ZFP1: variants seen among roughly 807,000 people sequenced by gnomAD.
The protein encoded by ZFP1 is zinc finger protein 1 homolog.
In ZFP1, 32 loss-of-function variants were observed where a neutral mutation model predicts 38.5. The observed-to-expected ratio is 0.83, with a 90% CI of 0.63 to 1.12. The LOEUF (loss-of-function observed/expected upper bound fraction) is 1.12, where lower values mean the gene tolerates loss of function less well. Ranked by LOEUF, ZFP1 falls within the 50% of genes most tolerant of loss-of-function variation. ZFP1 has a pLI of 0.00. For synonymous variants in ZFP1, 245 were observed against 168.8 expected, an observed-to-expected ratio of 1.45 and a Z score of -3.50; for missense variants, 616 against 480.8, an observed-to-expected ratio of 1.28 and a Z score of -2.63.
chr16:75,129,032 C>T, the ZFP1 span, among the ~76,000 whole-genome samples: 22 of 152,270 alleles, frequency 1.4e-4, no homozygotes, highest in African/African-American at 5.3e-4. Flanking sequence ...TCAGGTGATC[C>T]GCCTGCCTCA....
At chr16:75,125,330 T>C in the ZFP1 span, among the ~76,000 whole-genome samples, 1 of 152,164 alleles carries the variant, frequency 6.6e-6, no homozygotes, top group South Asian at 2.1e-4. Flanking sequence ...TTTGTTTGTT[T>C]GTTGTTTTGT....
chr16:75,125,496 A>G, the ZFP1 span, among the ~76,000 whole-genome samples: 1 of 151,730 alleles, frequency 6.6e-6, no homozygotes, highest in Non-Finnish European at 1.5e-5. Flanking sequence ...CTAATTTTGT[A>G]TTTTTTTAGT....
the ZFP1 span, among the ~76,000 whole-genome samples, chr16:75,138,195 C>A: frequency 2.6e-5 from 4 of 152,002 alleles, no homozygotes. Context: ...CGCCACCACA[C>A]CTGGCTAATT....
At chr16:75,120,932 G>A in the ZFP1 span, among the ~76,000 whole-genome samples, 1 of 152,016 alleles carries the variant, frequency 6.6e-6, no homozygotes, top group Middle Eastern at 3.4e-3. Flanking sequence ...GCCTACCCTT[G>A]GGTTTTTAAG....
At chr16:75,150,388 T>TG (rs1278236084) in intron 1 of ZFP1, among the ~76,000 whole-genome samples, 2 of 150,990 alleles carry the variant, frequency 1.3e-5, no homozygotes, top group African/African-American at 4.9e-5. Flanking sequence ...TTTTTATTTT[T>TG]TTTTGTATTT....
intron 1 of ZFP1, 24 bp downstream of exon 1, chr16:75,148,667 C>A (rs182784343): frequency 6.6e-6 from 1 of 152,278 alleles, no homozygotes; most frequent in Non-Finnish European, 1.5e-5. Context: ...TTCCAGGTAG[C>A]TCCGCGCGGC....
intron 1 of ZFP1, among the ~76,000 whole-genome samples, chr16:75,152,143 G>C (rs920334591): frequency 1.3e-5 from 2 of 152,058 alleles, no homozygotes; most frequent in African/African-American, 2.4e-5. Context: ...TTTTAACTTT[G>C]GTTTTCATTT....
upstream of ZFP1, among the ~76,000 whole-genome samples, chr16:75,145,830 T>C (rs2036937003): frequency 6.6e-6 from 1 of 152,188 alleles, no homozygotes; most frequent in South Asian, 2.1e-4. Flanking sequence ...TGATCCTTTC[T>C]GGATGCTGGA....
At chr16:75,121,299 G>C in the ZFP1 span, among the ~76,000 whole-genome samples, 3 of 150,996 alleles carry the variant, frequency 2.0e-5, no homozygotes, top group African/African-American at 7.3e-5. Context: ...CTAATTTTTT[G>C]TATTTTTAAT....
chr16:75,126,721 G>A, the ZFP1 span, among the ~76,000 whole-genome samples: 16 of 152,242 alleles, frequency 1.1e-4, 2 homozygotes, highest in South Asian at 6.2e-4. Flanking sequence ...GAATTATTTT[G>A]CAATGACTTG....
At chr16:75,141,195 CTTTTTTTTTTTT>C in the ZFP1 span, among the ~76,000 whole-genome samples, 5 of 67,948 alleles carry the variant, frequency 7.4e-5, no homozygotes, top group South Asian at 6.8e-4. Flanking sequence ...TTGGGTCATT[CTTTTTTTTTTTT>C]TTTTTTTTTT....
intron 2 of ZFP1, among the ~76,000 whole-genome samples, chr16:75,159,768 A>G (rs987476450): frequency 4.6e-5 from 7 of 152,168 alleles, no homozygotes; most frequent in Admixed American, 1.3e-4. Context: ...TGTATGATAC[A>G]TAGCTCCTTC....
intron 3 of ZFP1, among the ~76,000 whole-genome samples, chr16:75,167,202 G>C (rs969227251): frequency 6.6e-6 from 1 of 152,240 alleles, no homozygotes; most frequent in Non-Finnish European, 1.5e-5. Flanking sequence ...TTCTAAGGGA[G>C]ATAGGACGGG....
intron 2 of ZFP1, among the ~76,000 whole-genome samples, chr16:75,158,024 G>A (rs1337993389): frequency 6.6e-6 from 1 of 151,846 alleles, no homozygotes; most frequent in African/African-American, 2.4e-5. Context: ...CTAGGCTTAC[G>A]AGATCTGTCT....
chr16:75,170,230 C>T lies in ZFP1; in HGVS notation c.1120C>T (p.His374Tyr). ...AACTCTTAGATTACACTTGCGAATC[C>T]ACACAGGAGAGAAACCATATGAGTG... Reference protein sequence around the residue: ...RSTLRLHLRIHTGEKPYECSE... With the variant: ...RSTLRLHLRIYTGEKPYECSE... The change falls in exon 4 of 4, where the codon CAC (histidine) becomes TAC (tyrosine). Residue 374 changes from histidine to tyrosine, a missense_variant. Transcript: ENST00000570010. 6.2e-7 allele frequency: 1 copy of T among 1,614,052 alleles called. No individual in the cohort carries two copies. The highest frequency in any genetic ancestry group is 8.5e-7 in the Non-Finnish European group (1 of 1,179,998).
chr16:75,148,994 C>T (rs1177282476), intron 1 of ZFP1: 2 of 151,922 alleles, frequency 1.3e-5, no homozygotes, highest in Non-Finnish European at 1.5e-5. Context: ...CGAGGCCCCG[C>T]CGGGGCGTGG....
the ZFP1 span, among the ~76,000 whole-genome samples, chr16:75,143,400 C>A: frequency 6.6e-6 from 1 of 151,986 alleles, no homozygotes; most frequent in Non-Finnish European, 1.5e-5. Flanking sequence ...TGCCACCAGG[C>A]CCAGCTAATT....
chr16:75,140,953 C>T, the ZFP1 span, among the ~76,000 whole-genome samples: 1,077 of 151,874 alleles, frequency 7.1e-3, 7 homozygotes, highest in Non-Finnish European at 0.011. Flanking sequence ...AGCAAGACTC[C>T]ATCTCAAAAA....
intron 2 of ZFP1, among the ~76,000 whole-genome samples, chr16:75,156,252 G>C (rs1435054527): frequency 6.6e-6 from 1 of 152,130 alleles, no homozygotes; most frequent in Non-Finnish European, 1.5e-5. Flanking sequence ...TCAGGAGATC[G>C]AGACCAGCCT....
Sources: allele counts gnomAD v4.1 joint callset (sites outside exome capture counted in the v4.1 genomes callset), GRCh38; gene constraint gnomAD v4.1.1; transcripts MANE v1.5; gene names NCBI Gene and HGNC (gene_info 2026-07-23, HGNC 2026-07-21).